C1QTNF7: variants seen among roughly 807,000 people sequenced by gnomAD.
C1QTNF7 encodes complement C1q tumor necrosis factor-related protein 7.
In C1QTNF7, 15 loss-of-function variants were observed where a neutral mutation model predicts 19.6. The ratio of observed to expected loss-of-function variants is 0.76; its 90% confidence interval spans 0.51 to 1.18. C1QTNF7 has a LOEUF of 1.18. Among genes scored for constraint, C1QTNF7 ranks in the 50% most tolerant of loss-of-function variants. C1QTNF7 has a pLI of 0.00. For missense variants in C1QTNF7, 324 were observed against 359.7 expected, an observed-to-expected ratio of 0.90 and a Z score of 0.80; for synonymous variants, 142 against 137.5, an observed-to-expected ratio of 1.03 and a Z score of -0.23.
At chr4:15,417,917 C>A (rs957632144) in intron 1 of C1QTNF7, among the ~76,000 whole-genome samples, 2 of 152,076 alleles carry the variant, frequency 1.3e-5, no homozygotes, top group African/African-American at 4.8e-5. Context: ...CTCTCAAGAA[C>A]TCAGTCACTA....
At chr4:15,385,932 CGAT>C (rs1461657369) in intron 1 of C1QTNF7, among the ~76,000 whole-genome samples, 1 of 152,172 alleles carries the variant, frequency 6.6e-6, no homozygotes, top group African/African-American at 2.4e-5. Context: ...CATCATAACA[CGAT>C]AATAAAATGA....
At chr4:15,420,018 C>T (rs1711674775) in intron 1 of C1QTNF7, 1 of 152,218 alleles carries the variant, frequency 6.6e-6, no homozygotes, top group African/African-American at 2.4e-5. Flanking sequence ...ATAGGAGTCA[C>T]ATACGATTCT....
upstream of C1QTNF7, among the ~76,000 whole-genome samples, chr4:15,425,781 G>T (rs1712014998): frequency 1.3e-5 from 2 of 152,128 alleles, no homozygotes. Context: ...CGTTGTACAT[G>T]CTCATTACAT....
chr4:15,396,013 G>A (rs1271541595), intron 1 of C1QTNF7, among the ~76,000 whole-genome samples: 2 of 152,142 alleles, frequency 1.3e-5, no homozygotes, highest in Admixed American at 6.5e-5. Flanking sequence ...TAAGTGGGGG[G>A]CAATGAAGAG....
intron 1 of C1QTNF7, among the ~76,000 whole-genome samples, chr4:15,379,123 A>G (rs115044017): frequency 0.014 from 2,080 of 152,328 alleles, 22 homozygotes; most frequent in Non-Finnish European, 0.022. Context: ...TTACTTTATA[A>G]AACTGCAATT....
chr4:15,378,646 T>C (rs1392414435), intron 1 of C1QTNF7, among the ~76,000 whole-genome samples: 3 of 152,190 alleles, frequency 2.0e-5, no homozygotes, highest in African/African-American at 7.2e-5. Flanking sequence ...GGCAGATTTT[T>C]AGGAATTAAT....
rs192875679 is a variant in C1QTNF7 at position 15,419,350 on chromosome 4, A to G, written c.14-16386A>G. ...AGAAACAGCTTAATTGTCCCCTAAT[A>G]GGAGAGAAGGGGGTTAAATAAATTA... On this transcript the variant is annotated intron_variant, in intron 1 of 2. Coordinates refer to the C1QTNF7 transcript ENST00000295297. 1.9e-3 allele frequency among the ~76,000 whole-genome samples: 284 copies of G among 152,362 alleles called. 4 individuals are homozygous for G. Among genetic ancestry groups the G allele is most frequent in the African/African-American group, 6.5e-3 (270 of 41,594 alleles).
chr4:15,371,481 T>C (rs755894694), intron 1 of C1QTNF7, among the ~76,000 whole-genome samples: 32 of 152,192 alleles, frequency 2.1e-4, no homozygotes, highest in Non-Finnish European at 1.5e-4. Flanking sequence ...GGACATATCT[T>C]AGTGAGCAAA....
At chr4:15,425,772 G>A (rs915122582), upstream of C1QTNF7, among the ~76,000 whole-genome samples, 5 of 152,070 alleles carry the variant, frequency 3.3e-5, no homozygotes, top group African/African-American at 1.2e-4. Flanking sequence ...GTCTTAGCAC[G>A]TTGTACATGC....
chr4:15,378,431 G>GA (rs1376678699), intron 1 of C1QTNF7, among the ~76,000 whole-genome samples: 1 of 152,090 alleles, frequency 6.6e-6, no homozygotes, highest in South Asian at 2.1e-4. Context: ...AAAGAAGAAA[G>GA]AAAAAAATCT....
In C1QTNF7 at chr4:15,442,666, G is replaced by T. The variant is rs1712825301; in HGVS notation, c.737G>T (p.Trp246Leu). ...VIYLQPEDEV[W>L]LEIFFTDQNG... is the part of the protein sequence containing the mutation. ...TATCTGCAGCCAGAAGATGAAGTCTGGCTGGAGATTTTCTTCACAGACCAG... is the reference window on the plus strand; with the variant it reads ...TATCTGCAGCCAGAAGATGAAGTCTTGCTGGAGATTTTCTTCACAGACCAG... Residue 246 changes from tryptophan (W) to leucine (L), a missense_variant, in exon 3 of 3, where the codon TGG becomes TTG. Physicochemically the swap from Trp to Leu is moderately conservative, Grantham distance 61. Transcript: ENST00000444304. 1 of 1,614,184 alleles carries T rather than the reference G, an allele frequency of 6.2e-7. No individual in the cohort carries two copies. Among genetic ancestry groups the T allele is most frequent in the Non-Finnish European group, 8.5e-7 (1 of 1,180,032 alleles).
intron 1 of C1QTNF7, among the ~76,000 whole-genome samples, chr4:15,421,763 G>A (rs1711772328): frequency 6.6e-6 from 1 of 152,106 alleles, no homozygotes; most frequent in African/African-American, 2.4e-5. Flanking sequence ...TTCGCTAAGT[G>A]GTCAGGACTC....
intron 1 of C1QTNF7, among the ~76,000 whole-genome samples, chr4:15,363,602 T>A (rs963032100): frequency 1.3e-5 from 2 of 152,096 alleles, no homozygotes; most frequent in African/African-American, 4.8e-5. Context: ...ACTCGGTGGG[T>A]CACAGCCTTC....
At chr4:15,379,254 G>T (rs912616406) in intron 1 of C1QTNF7, among the ~76,000 whole-genome samples, 3 of 152,162 alleles carry the variant, frequency 2.0e-5, no homozygotes, top group African/African-American at 7.2e-5. Context: ...GAGTTAATTT[G>T]CCTGTAGTGA....
chr4:15,434,565 G>T (rs972580855), intron 1 of C1QTNF7, among the ~76,000 whole-genome samples: 1 of 152,166 alleles, frequency 6.6e-6, no homozygotes, highest in Non-Finnish European at 1.5e-5. Context: ...CAACTCATTT[G>T]CATGACCCCA....
At position 15,442,719 on chromosome 4, in the gene C1QTNF7, G is replaced by A; in HGVS notation, c.790G>A (p.Ala264Thr). Residue 264 changes from alanine (A) to threonine (T), a missense_variant, in exon 3 of 3, where the codon GCA becomes ACA. Ala to Thr is a moderately conservative substitution (Grantham distance 58). Transcript: ENST00000444304. The stretch of plus-strand genomic sequence containing the variant: ...TGGCCTCTTCTCAGACCCAGGTTGG[G>A]CAGACAGCTTATTCTCCGGGTTTCT... ...QNGLFSDPGW[A>T]DSLFSGFLLY... The A allele has an allele frequency of 6.2e-7, 1 of 1,614,130 alleles. No individual in the cohort carries two copies. Among genetic ancestry groups the A allele is most frequent in the Non-Finnish European group, 8.5e-7 (1 of 1,180,034 alleles).
intron 1 of C1QTNF7, among the ~76,000 whole-genome samples, chr4:15,352,485 C>T (rs142304311): frequency 9.6e-4 from 146 of 152,272 alleles, no homozygotes; most frequent in African/African-American, 3.2e-3. Context: ...TGTAAAATGA[C>T]AAAAGCTGTG....
At chr4:15,341,560 G>C (rs1476073412) in intron 1 of C1QTNF7, among the ~76,000 whole-genome samples, 1 of 152,170 alleles carries the variant, frequency 6.6e-6, no homozygotes, top group Admixed American at 6.5e-5. Flanking sequence ...AATGCAGCGA[G>C]TGACCCGCGA....
chr4:15,409,365 A>G (rs2108914644), intron 1 of C1QTNF7, among the ~76,000 whole-genome samples: 1 of 152,354 alleles, frequency 6.6e-6, no homozygotes, highest in South Asian at 2.1e-4. Flanking sequence ...AAGGCCTCCA[A>G]GACTCTAAGT....
Sources: allele counts gnomAD v4.1 joint callset (sites outside exome capture counted in the v4.1 genomes callset), GRCh38; gene constraint gnomAD v4.1.1; transcripts MANE v1.5; gene names NCBI Gene and HGNC (gene_info 2026-07-23, HGNC 2026-07-21).